The following ZNF750 variants were observed in gnomAD, a reference collection of about 807,000 sequenced individuals.
The protein encoded by ZNF750 is zinc finger protein 750.
In ZNF750, 10 loss-of-function variants were observed where a neutral mutation model predicts 31.6. The ratio of observed to expected loss-of-function variants is 0.32; its 90% CI spans 0.19 to 0.54. ZNF750 has a LOEUF of 0.54. Among genes scored for constraint, ZNF750 ranks in the 20% least tolerant of loss-of-function variants. The pLI, the probability that ZNF750 is intolerant of heterozygous loss-of-function variation, is 0.95. For missense variants in ZNF750, 914 were observed against 934.9 expected (o/e 0.98, Z 0.29); for synonymous variants, 400 against 404.9 (o/e 0.99, Z 0.15).
chr17:82,831,909 C>T lies in ZNF750; in HGVS notation c.546G>A (p.Leu182=). ...CCTTGGCAGTGGGGTTGTGTAAAGC[C>T]AGTGTCTCGGGCGCCTCGGCGTTGT... The part of the protein sequence containing the change: ...GPDNAEAPET[L]ALHNPTAKAV... The change falls in exon 2 of 3, where the codon CTG becomes CTA. Residue 182 remains leucine, a synonymous_variant. Transcript: ENST00000269394. The surrounding 1 kb of genome is among the most constrained non-coding windows in gnomAD (Gnocchi z 4.6). The T allele has an allele frequency of 3.1e-6, 5 of 1,614,174 alleles. No individual in the cohort carries two copies. Among genetic ancestry groups the T allele is most frequent in the Non-Finnish European group, 4.2e-6 (5 of 1,180,038 alleles).
At chr17:82,838,795 C>G in intron 1 of ZNF750, 1 of 985,136 alleles carries the variant, frequency 1.0e-6, no homozygotes. Flanking sequence ...GGGCTCTTAA[C>G]TCTAGTTTCG....
rs1352625032 is a variant in ZNF750 at position 82,835,408 on chromosome 17, T to C, written c.-182-2772A>G. ...CTCAGCAAACTGGTTTCTCTACTGATTTATTCATATTTCTTTCTTTCTTTC... is the reference window on the plus strand; with the variant it reads ...CTCAGCAAACTGGTTTCTCTACTGACTTATTCATATTTCTTTCTTTCTTTC... On this transcript the variant is annotated intron_variant, in intron 1 of 2. Transcript: ENST00000269394. The surrounding 1 kb of genome is among the most constrained non-coding windows in gnomAD (Gnocchi z 4.5). Among the ~76,000 whole-genome samples, 3 of 150,370 alleles carry C rather than the reference T, an allele frequency of 2.0e-5. No homozygotes were observed. Among genetic ancestry groups the C allele is most frequent in the African/African-American group, 7.2e-5 (3 of 41,382 alleles).
rs374227498 is a variant in ZNF750 at position 82,831,956 on chromosome 17, C to G, written c.499G>C (p.Glu167Gln). 1.9e-6 allele frequency: 3 copies of G among 1,613,954 alleles called. No homozygotes were observed. The highest frequency in any genetic ancestry group is 2.2e-5 in the East Asian group (1 of 44,870). The change falls in exon 2 of 3, where the codon GAG becomes CAG. Residue 167 changes from glutamate (E) to glutamine (Q), a missense_variant. By Grantham distance (29) the Glu-to-Gln change is conservative. Coordinates refer to ENST00000269394, the MANE Select transcript of ZNF750 (RefSeq NM_024702.3). This position sits in a 1 kb window ranked among gnomAD's most constrained non-coding sequence, Gnocchi z 4.6. ...TTGTCTGGCCCCTTGAGTCTGTGCT[C>G]GCCGACTGGAACAAATGCAGAAGGC... The part of the protein sequence containing the change: ...ARPSAFVPVG[E>Q]HRLKGPDNAE...
chr17:82,830,469 G>A lies in ZNF750; in HGVS notation c.1845C>T (p.Gly615=), dbSNP rs368809578. ...DGDGAPPTGP[G]EEAPDACAVD... ...CCGCGCATGCGTCTGGAGCCTCCTC[G>A]CCGGGGCCTGTGGGTGGGGCCCCGT... The change falls in exon 3 of 3, where the codon GGC becomes GGT. Residue 615 remains glycine, a synonymous_variant. Coordinates refer to ENST00000269394, the MANE Select transcript of ZNF750 (RefSeq NM_024702.3). 8.7e-6 allele frequency: 14 copies of A among 1,612,748 alleles called. No individual in the cohort carries two copies. The highest frequency in any genetic ancestry group is 1.2e-5 in the Non-Finnish European group (14 of 1,179,714).
intron 1 of ZNF750, among the ~76,000 whole-genome samples, chr17:82,834,238 G>C (rs866707490): frequency 2.0e-5 from 3 of 152,160 alleles, no homozygotes; most frequent in Non-Finnish European, 4.4e-5. Flanking sequence ...GTGAGCCACC[G>C]CACCCGTCCC....
intron 1 of ZNF750, chr17:82,838,990 T>C: frequency 1.0e-6 from 1 of 985,078 alleles, no homozygotes; most frequent in Admixed American, 6.1e-5. Flanking sequence ...AAATCAAGTT[T>C]ATGAGAAATT....
At position 82,835,195 on chromosome 17, in the gene ZNF750, C is replaced by G. The variant is rs1049593702; in HGVS notation, c.-182-2559G>C. 6.6e-6 allele frequency among the ~76,000 whole-genome samples: 1 copy of G among 152,072 alleles called. No individual in the cohort carries two copies. Among genetic ancestry groups the G allele is most frequent in the African/African-American group, 2.4e-5 (1 of 41,390 alleles). ...TGTAGACATCAGGGTGGCTAAAAGT[C>G]AAGTGAAAAGCCGCCCCTTGAAAAT... On this transcript the variant is annotated intron_variant, in intron 1 of 2. Transcript: ENST00000269394. The surrounding 1 kb of genome is among the most constrained non-coding windows in gnomAD (Gnocchi z 4.5).
In ZNF750 at chr17:82,830,764, G is replaced by A; in HGVS notation, c.1550C>T (p.Ser517Phe). 6.2e-7 allele frequency: 1 copy of A among 1,613,916 alleles called. No individual in the cohort carries two copies. The highest frequency in any genetic ancestry group is 8.5e-7 in the Non-Finnish European group (1 of 1,180,044). The change falls in exon 3 of 3, where the codon TCC (serine) becomes TTC (phenylalanine). Residue 517 changes from serine (S) to phenylalanine (F), a missense_variant. Ser to Phe is a radical substitution (Grantham distance 155, BLOSUM62 -2). Transcript: ENST00000269394. The stretch of plus-strand genomic sequence containing the variant: ...TGCCAGGTTTATCTCTGATTTCTTG[G>A]AGAGGTTGAGGGGGCCCATCCCGGA... Reference protein sequence around the residue: ...DSSGMGPLNLSKKSEINLAAT... With the variant: ...DSSGMGPLNLFKKSEINLAAT...
At position 82,831,264 on chromosome 17, in the gene ZNF750, C is replaced by A. The variant is rs776579042; in HGVS notation, c.1191G>T (p.Gly397=). ...SSKAGQRDTE[G]SKMSPRAGSA... ...TCCCTGCGCGGGGGCTCATTTTGGACCCTTCCGTGTCTCTCTGCCCAGCCT... is the reference window on the plus strand; with the variant it reads ...TCCCTGCGCGGGGGCTCATTTTGGAACCTTCCGTGTCTCTCTGCCCAGCCT... The change falls in exon 2 of 3, where the codon GGG becomes GGT. Residue 397 remains glycine (G), a synonymous_variant. Coordinates refer to ENST00000269394, the MANE Select transcript of ZNF750 (RefSeq NM_024702.3). This position sits in a 1 kb window ranked among gnomAD's most constrained non-coding sequence, Gnocchi z 4.6. 6.2e-7 allele frequency: 1 copy of A among 1,613,848 alleles called. No individual in the cohort carries two copies. Among genetic ancestry groups the A allele is most frequent in the South Asian group, 1.1e-5 (1 of 91,086 alleles).
Position 82,832,279 on chromosome 17 carries a change from T to C in ZNF750, c.176A>G (p.Gln59Arg). Residue 59 changes from glutamine to arginine, a missense_variant, in exon 2 of 3, where the codon CAG becomes CGG. Coordinates refer to ENST00000269394, the MANE Select transcript of ZNF750 (RefSeq NM_024702.3). This position sits in a 1 kb window ranked among gnomAD's most constrained non-coding sequence, Gnocchi z 4.9. Reference protein sequence around the residue: ...CKNSITLVSEQDRVPKCPKSN... With the variant: ...CKNSITLVSERDRVPKCPKSN... ...TTTAGGGCACTTGGGAACTCGATCCTGCTCTGATACTAAAGTAATCGAGTT... is the reference window on the plus strand; with the variant it reads ...TTTAGGGCACTTGGGAACTCGATCCCGCTCTGATACTAAAGTAATCGAGTT... 1 of 1,614,254 alleles carries C rather than the reference T, an allele frequency of 6.2e-7. No individual in the cohort carries two copies. Among genetic ancestry groups the C allele is most frequent in the Non-Finnish European group, 8.5e-7 (1 of 1,180,048 alleles).
intron 1 of ZNF750, among the ~76,000 whole-genome samples, chr17:82,838,299 T>C (rs1292001451): frequency 6.6e-6 from 1 of 151,660 alleles, no homozygotes; most frequent in Non-Finnish European, 1.5e-5. Context: ...TTCTAAGGAG[T>C]TTGAACTTTG....
chr17:82,830,131 T>A lies in ZNF750; in HGVS notation c.*11A>T. 6.2e-7 allele frequency: 1 copy of A among 1,613,286 alleles called. No homozygotes were observed. The highest frequency in any genetic ancestry group is 8.5e-7 in the Non-Finnish European group (1 of 1,179,982). On this transcript the variant is annotated 3_prime_UTR_variant, in exon 3 of 3. Transcript: ENST00000269394. Reference sequence around the variant, plus strand: ...GGCCGTAGCTCTGTGAACACACGTGTGAACCCGGCGTTAGGACACCCGGGC... The same window carrying A: ...GGCCGTAGCTCTGTGAACACACGTGAGAACCCGGCGTTAGGACACCCGGGC...
At chr17:82,830,992 G>GAC in intron 2 of ZNF750, 27 bp downstream of exon 2, 1 of 1,613,810 alleles carries the variant, frequency 6.2e-7, no homozygotes. Flanking sequence ...CATTCCCTTG[G>GAC]AGGTTTTGAA....
In ZNF750 at chr17:82,832,724, C is replaced by T; in HGVS notation, c.-182-88G>A. On this transcript the variant is annotated intron_variant, in intron 1 of 2. Coordinates refer to ENST00000269394, the MANE Select transcript of ZNF750 (RefSeq NM_024702.3). This position sits in a 1 kb window ranked among gnomAD's most constrained non-coding sequence, Gnocchi z 4.9. The stretch of plus-strand genomic sequence containing the variant: ...CGGCTCGCCACAGTGCCACAGGATC[C>T]CTGAAGCAGAACCCCTGAAGGGCTG... 1.9e-6 allele frequency: 1 copy of T among 526,094 alleles called. No homozygotes were observed. The highest frequency in any genetic ancestry group is 3.4e-6 in the Non-Finnish European group (1 of 292,370). The allele number at this position is 526,094 out of a possible 1,614,324, so 32.6% of individuals were successfully genotyped here. A position where few individuals can be genotyped will look rare whatever the true frequency, so the allele number is the denominator to read the frequency against.
intron 1 of ZNF750, 126 bp downstream of exon 1, chr17:82,839,801 C>T (rs1231769942): frequency 1.3e-5 from 2 of 152,230 alleles, no homozygotes; most frequent in Non-Finnish European, 2.9e-5. Flanking sequence ...CCTGAGTAAT[C>T]CTCGGAGCCC....
intron 1 of ZNF750, among the ~76,000 whole-genome samples, chr17:82,836,936 G>C (rs773842662): frequency 1.3e-5 from 2 of 152,268 alleles, no homozygotes; most frequent in Non-Finnish European, 2.9e-5. Flanking sequence ...GGAAGCCCCT[G>C]GTGGTGAGAG....
chr17:82,836,690 AAAAAAAAAC>A (rs995395018), intron 1 of ZNF750, among the ~76,000 whole-genome samples: 53 of 150,140 alleles, frequency 3.5e-4, no homozygotes, highest in African/African-American at 1.3e-3. Context: ...TTTTAGGCAA[AAAAAAAAAC>A]AAAACAAAAC....
Position 82,831,090 on chromosome 17 carries a change from GA to G in ZNF750, c.1364del (p.Phe455SerfsTer24). 6.2e-7 allele frequency: 1 copy of G among 1,614,232 alleles called. No homozygotes were observed. Among genetic ancestry groups the G allele is most frequent in the East Asian group, 2.2e-5 (1 of 44,880 alleles). On this transcript the variant is annotated frameshift_variant, in exon 2 of 3. Coordinates refer to ENST00000269394, the MANE Select transcript of ZNF750 (RefSeq NM_024702.3). LOFTEE classifies it high-confidence loss of function. The surrounding 1 kb of genome is among the most constrained non-coding windows in gnomAD (Gnocchi z 4.6). ...LYPPEQSLTA[F>X]RPVKKSTECL... is the part of the protein sequence containing the mutation. The stretch of plus-strand genomic sequence containing the variant: ...ATTCTGTGCTTTTCTTAACAGGCCT[GA>G]AGGCTGTGAGGCTTTGCTCTGGCGG...
rs888323137 is a variant in ZNF750 at position 82,838,998 on chromosome 17, A to G, written c.-183+929T>C. ...CTCCTCCAAATCAAGTTTATGAGAA[A>G]TTTCATATAAGGAAAAAAACCCTTT... On this transcript the variant is annotated intron_variant, in intron 1 of 2. Transcript: ENST00000269394. The G allele has an allele frequency of 9.1e-6, 9 of 983,864 alleles. No individual in the cohort carries two copies. In the African/African-American group the frequency reaches 1.0e-4, roughly 11 times the overall value. 60.9% of individuals were successfully genotyped at this position (983,864 alleles called of 1,614,324 possible). A position where few individuals can be genotyped will look rare whatever the true frequency, so the allele number is the denominator to read the frequency against.
Sources: gnomAD v4.1 joint callset for allele counts (sites outside exome capture counted in the v4.1 genomes callset) on GRCh38, gnomAD v4.1.1 for gene constraint, Gnocchi (gnomAD v3.1) non-coding constraint, MANE v1.5 for transcripts, NCBI Gene and HGNC (gene_info 2026-07-23, HGNC 2026-07-21) for gene names.